Variants in MOXD1 observed in about 807,000 individuals in gnomAD.
MOXD1 encodes the protein monooxygenase DBH like 1.
Under a neutral mutation model 66.6 loss-of-function variants are expected in MOXD1, and 62 were observed. The ratio of observed to expected loss-of-function variants is 0.93; its 90% CI spans 0.76 to 1.15. The LOEUF (loss-of-function observed/expected upper bound fraction) is 1.15, where lower values mean the gene tolerates loss of function less well. Ranked by LOEUF, MOXD1 falls within the 50% of genes most tolerant of loss-of-function variation. MOXD1 has a pLI of 0.00. For missense variants in MOXD1, 847 were observed against 754.6 expected (o/e 1.12, Z -1.44); for synonymous variants, 303 against 281.9 (o/e 1.07, Z -0.75).
chr6:132,373,842 A>G (rs1776319356), intron 2 of MOXD1, among the ~76,000 whole-genome samples: 2 of 152,256 alleles, frequency 1.3e-5, no homozygotes, highest in Admixed American at 6.5e-5. Context: ...TAATAAGTCA[A>G]ATGACTATAA....
intron 1 of MOXD1, among the ~76,000 whole-genome samples, chr6:132,383,597 C>T (rs1215739020): frequency 6.6e-6 from 1 of 152,046 alleles, no homozygotes; most frequent in East Asian, 1.9e-4. Context: ...TCAGTTGTCA[C>T]GTAGGATAAT....
chr6:132,325,297 G>A (rs1422935374), intron 6 of MOXD1: 1 of 152,222 alleles, frequency 6.6e-6, no homozygotes, highest in African/African-American at 2.4e-5. Flanking sequence ...TGCTGCATAT[G>A]AGTTATGTCA....
At chr6:132,340,043 T>C (rs2045900426) in intron 4 of MOXD1, among the ~76,000 whole-genome samples, 2 of 152,086 alleles carry the variant, frequency 1.3e-5, no homozygotes, top group South Asian at 4.1e-4. Flanking sequence ...ATAATTTTTG[T>C]ATTTTTAGTA....
intron 3 of MOXD1, 68 bp from the exon 4 acceptor site, chr6:132,372,759 T>A: frequency 1.2e-6 from 2 of 1,608,654 alleles, no homozygotes; most frequent in Non-Finnish European, 1.7e-6. Flanking sequence ...AATACAATAA[T>A]GTAAGCAAAA....
chr6:132,323,340 A>G (rs1218636550), intron 7 of MOXD1, among the ~76,000 whole-genome samples: 1 of 152,190 alleles, frequency 6.6e-6, no homozygotes. Context: ...TGGCCTAAAT[A>G]ACTCAGAAGA....
intron 1 of MOXD1, among the ~76,000 whole-genome samples, chr6:132,386,987 G>C (rs1776663868): frequency 6.6e-6 from 1 of 151,138 alleles, no homozygotes; most frequent in African/African-American, 2.4e-5. Context: ...CTTTCTCATT[G>C]TTCTTTCTCC....
At chr6:132,375,939 G>A (rs755696763) in intron 1 of MOXD1, among the ~76,000 whole-genome samples, 2 of 152,142 alleles carry the variant, frequency 1.3e-5, no homozygotes, top group Non-Finnish European at 2.9e-5. Flanking sequence ...TGGTTTGGGC[G>A]GGGTCATAAC....
intron 4 of MOXD1, among the ~76,000 whole-genome samples, chr6:132,344,946 G>A (rs559446565): frequency 6.6e-6 from 1 of 152,258 alleles, no homozygotes; most frequent in South Asian, 2.1e-4. Context: ...CATGGGACAA[G>A]AACCCAGGAC....
At chr6:132,378,249 T>C (rs76660728) in intron 1 of MOXD1, among the ~76,000 whole-genome samples, 1 of 152,194 alleles carries the variant, frequency 6.6e-6, no homozygotes, top group Non-Finnish European at 1.5e-5. Context: ...ATTTAACATG[T>C]TTACTTCAGC....
chr6:132,329,308 T>A (rs914617476), intron 4 of MOXD1, among the ~76,000 whole-genome samples: 1 of 152,200 alleles, frequency 6.6e-6, no homozygotes. Flanking sequence ...AACTCATCCG[T>A]TTTTATGGCT....
At chr6:132,336,762 A>G (rs1383972361) in intron 4 of MOXD1, among the ~76,000 whole-genome samples, 1 of 152,164 alleles carries the variant, frequency 6.6e-6, no homozygotes, top group African/African-American at 2.4e-5. Flanking sequence ...AAGGAAAAAG[A>G]GAAGAAATGA....
At chr6:132,376,239 A>AT (rs1776375836) in intron 1 of MOXD1, among the ~76,000 whole-genome samples, 1 of 152,238 alleles carries the variant, frequency 6.6e-6, no homozygotes, top group Non-Finnish European at 1.5e-5. Context: ...GTAAAATTGT[A>AT]TTTGAAGAAT....
intron 4 of MOXD1, among the ~76,000 whole-genome samples, chr6:132,337,919 G>T (rs1297482063): frequency 6.6e-6 from 1 of 152,048 alleles, no homozygotes; most frequent in East Asian, 1.9e-4. Context: ...AAATTCATAC[G>T]TATATGGCCA....
intron 10 of MOXD1, among the ~76,000 whole-genome samples, chr6:132,306,030 A>G (rs1028556900): frequency 3.3e-5 from 5 of 152,142 alleles, no homozygotes; most frequent in African/African-American, 1.2e-4. Flanking sequence ...GAATTGACAG[A>G]AGCAGGCTTC....
rs191969684 is a variant in MOXD1 at position 132,365,369 on chromosome 6, T to C, written c.663+7239A>G. 3.9e-3 allele frequency among the ~76,000 whole-genome samples: 598 copies of C among 152,206 alleles called. 4 individuals are homozygous for C. The highest frequency in any genetic ancestry group is 0.034 in the Middle Eastern group (10 of 294). ...AAGGGAGGCAGTGGCGTACTCAGTA[T>C]TTTCACCTCAGCATGCCCTGTGACT... is the stretch of plus-strand genomic sequence containing the variant. On this transcript the variant is annotated intron_variant, in intron 4 of 11. Transcript: ENST00000367963.
intron 4 of MOXD1, among the ~76,000 whole-genome samples, chr6:132,329,929 G>A (rs533403130): frequency 1.9e-4 from 29 of 152,320 alleles, no homozygotes; most frequent in African/African-American, 6.3e-4. Context: ...GAAACAAGTA[G>A]AATGGGCAGT....
chr6:132,380,799 C>T (rs1228106711), intron 1 of MOXD1, among the ~76,000 whole-genome samples: 4 of 152,044 alleles, frequency 2.6e-5, no homozygotes, highest in Admixed American at 1.3e-4. Context: ...TGGTTAAGAC[C>T]GGATATGGAT....
chr6:132,300,733 T>C (rs956189464), intron 10 of MOXD1, among the ~76,000 whole-genome samples: 61 of 152,182 alleles, frequency 4.0e-4, no homozygotes, highest in African/African-American at 1.5e-3. Context: ...AGAACAGATA[T>C]GTAGAAAGGC....
At chr6:132,303,770 CAT>C (rs1562276257) in intron 10 of MOXD1, among the ~76,000 whole-genome samples, 1 of 107,368 alleles carries the variant, frequency 9.3e-6, no homozygotes, top group African/African-American at 3.8e-5. Flanking sequence ...TATATATATA[CAT>C]ACATATATAC....
Sources: allele counts gnomAD v4.1 joint callset (sites outside exome capture counted in the v4.1 genomes callset), GRCh38; gene constraint gnomAD v4.1.1; transcripts MANE v1.5; gene names NCBI Gene and HGNC (gene_info 2026-07-23, HGNC 2026-07-21).